Variants in PTCD1 observed in about 807,000 individuals in gnomAD.
The protein encoded by PTCD1 is pentatricopeptide repeat domain 1.
Under a neutral mutation model 53.4 loss-of-function variants are expected in PTCD1, and 50 were observed. The observed-to-expected ratio is 0.94, with a 90% CI of 0.75 to 1.19. The LOEUF is 1.19. PTCD1 is among the 50% of genes most tolerant of loss of function. The pLI, the probability that PTCD1 is intolerant of heterozygous loss-of-function variation, is 0.00. For missense variants in PTCD1, 918 were observed against 904.8 expected (o/e 1.01, Z -0.19); for synonymous variants, 413 against 394.8 (o/e 1.05, Z -0.55).
At chr7:99,423,500 C>T (rs1050298914) in intron 7 of PTCD1, among the ~76,000 whole-genome samples, 1 of 152,132 alleles carries the variant, frequency 6.6e-6, no homozygotes, top group Non-Finnish European at 1.5e-5. Flanking sequence ...ACACCAATCC[C>T]GAAGCAGGCA....
intron 7 of PTCD1, among the ~76,000 whole-genome samples, chr7:99,421,452 AAAG>A (rs1263868896): frequency 1.3e-5 from 2 of 150,626 alleles, no homozygotes; most frequent in Non-Finnish European, 3.0e-5. Context: ...AAAAAAGAAA[AAAG>A]AAAATGCGGC....
Position 99,419,720 on chromosome 7 carries a change from A to G in PTCD1, c.*247T>C, listed in dbSNP as rs1254081969. 7 of 711,366 alleles carry G rather than the reference A, an allele frequency of 9.8e-6. No homozygotes were observed. 44.1% of individuals were successfully genotyped at this position (711,366 alleles called of 1,614,324 possible). On this transcript the variant is annotated 3_prime_UTR_variant, in exon 8 of 8. Transcript: ENST00000292478. ...GCCCCCTTGTGGTGTGTGAGGTGAC[A>G]CACAAAGGTAGCTGGAGCTGGAAGT...
chr7:99,418,072 G>T lies in PTCD1; in HGVS notation c.*1895C>A, dbSNP rs202210949. ...AACCTCCACCTCCCGGGTTCAAGCG[G>T]TTCTCCTGCCTCATCCTCCTGAGTA... On this transcript the variant is annotated 3_prime_UTR_variant, in exon 8 of 8. Coordinates refer to ENST00000292478, the MANE Select transcript of PTCD1 (RefSeq NM_015545.4). 4.8e-5 allele frequency: 42 copies of T among 879,236 alleles called. No individual in the cohort carries two copies. The South Asian group carries it at 1.1e-3, about 23-fold the overall frequency. The allele number at this position is 879,236 out of a possible 1,614,324, so 54.5% of individuals were successfully genotyped here.
chr7:99,437,324 CTTT>C (rs879615507), intron 1 of PTCD1, among the ~76,000 whole-genome samples: 2 of 143,320 alleles, frequency 1.4e-5, no homozygotes, highest in Admixed American at 6.9e-5. Context: ...CTTTTCTTTT[CTTT>C]TTTTTTTTTT....
At chr7:99,433,121 C>T (rs1000581513) in intron 3 of PTCD1, among the ~76,000 whole-genome samples, 157 bp downstream of exon 3, 5 of 152,090 alleles carry the variant, frequency 3.3e-5, no homozygotes, top group East Asian at 3.8e-4. Flanking sequence ...CATGTCATCT[C>T]GTTTATCACC....
At position 99,424,879 on chromosome 7, in the gene PTCD1, G is replaced by A. The variant is rs201270044; in HGVS notation, c.1653C>T (p.Leu551=). 233 of 1,614,256 alleles carry A rather than the reference G, an allele frequency of 1.4e-4. No individual in the cohort carries two copies. The highest frequency in any genetic ancestry group is 2.7e-5 in the African/African-American group (2 of 75,072). ...TGCAGAATGTCTGCAGGTTGGGGACGAGGCCCCTCTTTGCCAGGACCGGCA... is the reference window on the plus strand; with the variant it reads ...TGCAGAATGTCTGCAGGTTGGGGACAAGGCCCCTCTTTGCCAGGACCGGCA... ...ALLPVLAKRG[L]VPNLQTFCNL... The change falls in exon 6 of 8, where the codon CTC becomes CTT. Residue 551 remains leucine, a synonymous_variant. Transcript: ENST00000292478.
At position 99,419,502 on chromosome 7, in the gene PTCD1, C is replaced by A; in HGVS notation, c.*465G>T. 1.3e-6 allele frequency: 2 copies of A among 1,592,624 alleles called. No individual in the cohort carries two copies. Among genetic ancestry groups the A allele is most frequent in the Non-Finnish European group, 1.7e-6 (2 of 1,168,244 alleles). ...AGGTTCCTGCCTGTCACGCCACCCC[C>A]TTCCTGGGAGCAGCGAGCAGTGCCC... On this transcript the variant is annotated 3_prime_UTR_variant, in exon 8 of 8. Transcript: ENST00000292478.
chr7:99,434,307 G>A (rs1284489334), intron 2 of PTCD1, among the ~76,000 whole-genome samples: 1 of 151,882 alleles, frequency 6.6e-6, no homozygotes, highest in Non-Finnish European at 1.5e-5. Context: ...TTGGCCAGGT[G>A]TGGTGGCACA....
chr7:99,425,519 T>TG lies in PTCD1; in HGVS notation c.1012dup (p.Gln338ProfsTer80). 6.2e-7 allele frequency: 1 copy of TG among 1,612,298 alleles called. No individual in the cohort carries two copies. The highest frequency in any genetic ancestry group is 1.1e-5 in the South Asian group (1 of 91,052). ...CTTCAGAAGCAGCTCTGAGGCCACC[T>TG]GGGGGTCCCCTAGGCCACAGTCCCG... On this transcript the variant is annotated frameshift_variant, in exon 6 of 8. Transcript: ENST00000292478. LOFTEE classifies it high-confidence loss of function.
intron 7 of PTCD1, among the ~76,000 whole-genome samples, chr7:99,420,940 C>G (rs1795783852): frequency 6.6e-6 from 1 of 151,634 alleles, no homozygotes; most frequent in South Asian, 2.1e-4. Flanking sequence ...GAGCAAGACT[C>G]CATCTCAAAA....
intron 7 of PTCD1, among the ~76,000 whole-genome samples, chr7:99,423,239 G>C (rs1006315855): frequency 6.6e-6 from 1 of 152,130 alleles, no homozygotes; most frequent in South Asian, 2.1e-4. Context: ...GGAGTACCCA[G>C]CAACGTGCAG....
At chr7:99,434,566 G>C (rs1247935027) in intron 2 of PTCD1, among the ~76,000 whole-genome samples, 2 of 147,778 alleles carry the variant, frequency 1.4e-5, no homozygotes, top group East Asian at 3.9e-4. Flanking sequence ...CTAGTGGTAA[G>C]ATCAGCTCAG....
At chr7:99,434,548 G>C (rs563855590) in intron 2 of PTCD1, among the ~76,000 whole-genome samples, 9 of 149,766 alleles carry the variant, frequency 6.0e-5, no homozygotes, top group Admixed American at 5.3e-4. Flanking sequence ...TGTGACTCAG[G>C]CTGGAGTCTA....
intron 7 of PTCD1, 114 bp from the exon 8 acceptor site, chr7:99,420,263 T>C (rs1795739498): frequency 6.8e-7 from 1 of 1,476,650 alleles, no homozygotes; most frequent in Non-Finnish European, 9.3e-7. Flanking sequence ...CCCTTCCAGG[T>C]GGCTGCAGAG....
chr7:99,433,192 A>C, intron 3 of PTCD1, 86 bp downstream of exon 3: 1 of 1,603,980 alleles, frequency 6.2e-7, no homozygotes, highest in African/African-American at 1.3e-5. Flanking sequence ...TCACCTGCCC[A>C]GTGTAAAGCA....
At chr7:99,427,450 C>T (rs1464158763) in intron 5 of PTCD1, among the ~76,000 whole-genome samples, 4 of 149,838 alleles carry the variant, frequency 2.7e-5, no homozygotes, top group African/African-American at 9.8e-5. Context: ...GCCCCTCTGC[C>T]AGGCCAGCCG....
At chr7:99,424,347 T>G (rs1259125613) in intron 6 of PTCD1, among the ~76,000 whole-genome samples, 1 of 152,170 alleles carries the variant, frequency 6.6e-6, no homozygotes, top group African/African-American at 2.4e-5. Context: ...CAGAGGATGA[T>G]GGACCTGGGG....
At chr7:99,428,535 A>G (rs1796142732) in intron 5 of PTCD1, among the ~76,000 whole-genome samples, 1 of 152,030 alleles carries the variant, frequency 6.6e-6, no homozygotes, top group Admixed American at 6.6e-5. Context: ...TGAGGCCAGG[A>G]GTTCAAGACC....
chr7:99,420,282 A>G (rs1795740588), intron 7 of PTCD1, 133 bp from the exon 8 acceptor site: 2 of 1,315,566 alleles, frequency 1.5e-6, no homozygotes, highest in African/African-American at 2.9e-5. Flanking sequence ...AGGACAGGGC[A>G]GAAAAGCTGT....
Sources: gnomAD v4.1 joint callset for allele counts (sites outside exome capture counted in the v4.1 genomes callset) on GRCh38, gnomAD v4.1.1 for gene constraint, MANE v1.5 for transcripts, NCBI Gene and HGNC (gene_info 2026-07-23, HGNC 2026-07-21) for gene names.